Variants in CPS1 observed in about 807,000 individuals in gnomAD.
CPS1 encodes the protein carbamoyl-phosphate synthase 1.
A neutral mutation model predicts 174.6 loss-of-function variants in CPS1; 109 were observed. The ratio of observed to expected loss-of-function variants is 0.62; its 90% CI spans 0.53 to 0.73. The LOEUF is 0.73. CPS1 is among the 30% of genes least tolerant of loss of function. The pLI is 0.00. For missense variants in CPS1, 1,689 were observed against 1,821.9 expected (o/e 0.93, Z 1.33); for synonymous variants, 637 against 632.0 (o/e 1.01, Z -0.12).
chr2:210,595,476 A>T lies in CPS1; in HGVS notation c.1264-11A>T. 2 of 1,591,518 alleles carry T rather than the reference A, an allele frequency of 1.3e-6. No individual in the cohort carries two copies. The highest frequency in any genetic ancestry group is 1.7e-6 in the Non-Finnish European group (2 of 1,160,352). ...GCAGTAATAACAGTGTCTTTTTCTT[A>T]TTGCTTATAGGTTTCCAAAGTCCTT... On this transcript the variant is annotated splice_polypyrimidine_tract_variant and intron_variant, in intron 12 of 37. Transcript: ENST00000233072.
At chr2:210,589,430 G>A (rs1698212740) in intron 7 of CPS1, among the ~76,000 whole-genome samples, 1 of 152,118 alleles carries the variant, frequency 6.6e-6, no homozygotes, top group East Asian at 1.9e-4. Context: ...AGGAAAGAAG[G>A]CTGATTAAAA....
chr2:210,480,145 A>G (rs1312943427), intron 1 of CPS1, among the ~76,000 whole-genome samples: 2 of 151,836 alleles, frequency 1.3e-5, no homozygotes, highest in Non-Finnish European at 2.9e-5. Flanking sequence ...CTCTGTTCCC[A>G]CCTCCCTCAG....
chr2:210,654,120 A>G lies in CPS1; in HGVS notation c.3558+18A>G. The G allele has an allele frequency of 6.3e-7, 1 of 1,599,340 alleles. No homozygotes were observed. The highest frequency in any genetic ancestry group is 8.6e-7 in the Non-Finnish European group (1 of 1,166,754). ...ATGGAAGGGTAAGTGCTTTATTCTC[A>G]TCTCCTTCATTCCTGCCTTCTCATC... On this transcript the variant is annotated intron_variant, in intron 29 of 37. Coordinates refer to ENST00000233072, the MANE Select transcript of CPS1 (RefSeq NM_001875.5).
intron 5 of CPS1, 47 bp from the exon 6 acceptor site, chr2:210,582,570 C>G (rs1158071202): frequency 1.4e-6 from 2 of 1,434,948 alleles, no homozygotes; most frequent in African/African-American, 2.8e-5. Context: ...TTGTCAACAC[C>G]TTTATCGTTG....
intron 34 of CPS1, among the ~76,000 whole-genome samples, chr2:210,671,316 A>G (rs1243642337): frequency 1.3e-5 from 2 of 152,176 alleles, no homozygotes; most frequent in Admixed American, 6.6e-5. Flanking sequence ...ATAACCTTTT[A>G]TCTTTAATAT....
At chr2:210,600,979 CTCCT>C (rs1231376813) in intron 15 of CPS1, among the ~76,000 whole-genome samples, 2 of 151,914 alleles carry the variant, frequency 1.3e-5, no homozygotes, top group Admixed American at 1.3e-4. Context: ...AATCTCAGAT[CTCCT>C]GAACTGAAAC....
chr2:210,508,338 A>G (rs1299564484), intron 1 of CPS1, among the ~76,000 whole-genome samples: 1 of 151,836 alleles, frequency 6.6e-6, no homozygotes, highest in Admixed American at 6.6e-5. Flanking sequence ...AATGAGAACA[A>G]AGACACAACA....
chr2:210,504,395 A>T (rs951473617), intron 1 of CPS1, among the ~76,000 whole-genome samples: 4 of 152,240 alleles, frequency 2.6e-5, no homozygotes, highest in African/African-American at 9.6e-5. Flanking sequence ...TGCAAACTAT[A>T]TTCTGGATAT....
chr2:210,614,856 G>A (rs973940759), intron 20 of CPS1, among the ~76,000 whole-genome samples: 1 of 151,694 alleles, frequency 6.6e-6, no homozygotes, highest in African/African-American at 2.4e-5. Context: ...AGCACAGGGA[G>A]GGGAACATTT....
At chr2:210,584,960 C>T (rs1014243428) in intron 6 of CPS1, among the ~76,000 whole-genome samples, 1 of 152,178 alleles carries the variant, frequency 6.6e-6, no homozygotes, top group Non-Finnish European at 1.5e-5. Context: ...TTCTCCTTCC[C>T]CTTCTCGCCT....
chr2:210,522,258 C>G (rs1398607979), intron 1 of CPS1, among the ~76,000 whole-genome samples: 1 of 151,882 alleles, frequency 6.6e-6, no homozygotes, highest in Non-Finnish European at 1.5e-5. Context: ...TTCTGCCAGT[C>G]AGTGTTTTAT....
At chr2:210,546,629 T>C (rs903469013) in intron 1 of CPS1, among the ~76,000 whole-genome samples, 1 of 152,096 alleles carries the variant, frequency 6.6e-6, no homozygotes, top group Non-Finnish European at 1.5e-5. Flanking sequence ...TCAGATAAAA[T>C]ATTGCATCAT....
intron 1 of CPS1, among the ~76,000 whole-genome samples, chr2:210,488,876 TAA>T (rs539509753): frequency 6.7e-6 from 1 of 149,974 alleles, no homozygotes; most frequent in Non-Finnish European, 1.5e-5. Context: ...TATTATAAAG[TAA>T]AAAAAAAATC....
chr2:210,626,559 G>T (rs1439627194), intron 21 of CPS1, among the ~76,000 whole-genome samples: 2 of 152,080 alleles, frequency 1.3e-5, no homozygotes, highest in Admixed American at 1.3e-4. Flanking sequence ...TGAATAAACT[G>T]TTTTTTAATA....
At chr2:210,566,450 A>T (rs1261276758) in intron 1 of CPS1, among the ~76,000 whole-genome samples, 1 of 152,112 alleles carries the variant, frequency 6.6e-6, no homozygotes, top group African/African-American at 2.4e-5. Context: ...TCACTTTGAC[A>T]ATTTACAGAT....
chr2:210,613,629 C>A (rs1487951398), intron 20 of CPS1, among the ~76,000 whole-genome samples: 1 of 151,262 alleles, frequency 6.6e-6, no homozygotes, highest in African/African-American at 2.4e-5. Flanking sequence ...TAGATTTTTT[C>A]CTTAAGTCTA....
At chr2:210,581,511 T>C (rs1697922261) in intron 5 of CPS1, among the ~76,000 whole-genome samples, 1 of 152,186 alleles carries the variant, frequency 6.6e-6, no homozygotes, top group South Asian at 2.1e-4. Flanking sequence ...TCATTCAGCA[T>C]GTTTTAAGAA....
At chr2:210,636,406 A>G (rs1052509243) in intron 21 of CPS1, among the ~76,000 whole-genome samples, 1 of 151,270 alleles carries the variant, frequency 6.6e-6, no homozygotes, top group Non-Finnish European at 1.5e-5. Context: ...CATTTAATTT[A>G]TAAAATATAT....
intron 1 of CPS1, among the ~76,000 whole-genome samples, chr2:210,497,359 G>T (rs186191892): frequency 2.0e-5 from 3 of 151,848 alleles, no homozygotes; most frequent in East Asian, 3.9e-4. Flanking sequence ...TATTTACCTC[G>T]GGAGGTTTAT....
Sources: gnomAD v4.1 joint callset for allele counts (sites outside exome capture counted in the v4.1 genomes callset) on GRCh38, gnomAD v4.1.1 for gene constraint, MANE v1.5 for transcripts, NCBI Gene and HGNC (gene_info 2026-07-23, HGNC 2026-07-21) for gene names.